Variants in TECRL observed in about 807,000 individuals in gnomAD.
TECRL encodes the protein trans-2,3-enoyl-CoA reductase-like.
A neutral mutation model predicts 52.8 loss-of-function variants in TECRL; 63 were observed. The observed-to-expected ratio is 1.19, with a 90% confidence interval of 0.97 to 1.47. The LOEUF (loss-of-function observed/expected upper bound fraction) is 1.47, where lower values mean the gene tolerates loss of function less well. Among genes scored for constraint, TECRL ranks in the 40% most tolerant of loss-of-function variants. The pLI, the probability that TECRL is intolerant of heterozygous loss-of-function variation, is 0.00. For synonymous variants in TECRL, 164 were observed against 141.9 expected (o/e 1.16, Z -1.10); for missense variants, 482 against 429.6 (o/e 1.12, Z -1.08).
downstream of TECRL, chr4:64,276,990 G>A: frequency 7.1e-7 from 1 of 1,416,506 alleles, no homozygotes; most frequent in African/African-American, 1.4e-5. Flanking sequence ...CATTAATATT[G>A]ACAACAAGAT....
chr4:64,322,855 T>G, intron 3 of TECRL, 63 bp from the exon 4 acceptor site: 1 of 1,219,968 alleles, frequency 8.2e-7, no homozygotes, highest in Non-Finnish European at 1.2e-6. Flanking sequence ...CGATAAAGAA[T>G]TTCTTAGTGT....
At chr4:64,384,870 T>G (rs145276094) in intron 1 of TECRL, among the ~76,000 whole-genome samples, 180 of 152,286 alleles carry the variant, frequency 1.2e-3, no homozygotes, top group African/African-American at 4.1e-3. Context: ...TGGTCCCAGC[T>G]TGGGTGGGCC....
chr4:64,356,338 C>A (rs541158294), intron 2 of TECRL, among the ~76,000 whole-genome samples: 1 of 152,160 alleles, frequency 6.6e-6, no homozygotes, highest in Admixed American at 6.5e-5. Flanking sequence ...AGGAAAGCCT[C>A]TTGCAGTTGA....
At chr4:64,294,450 C>T (rs1414971365) in intron 8 of TECRL, among the ~76,000 whole-genome samples, 4 of 152,064 alleles carry the variant, frequency 2.6e-5, no homozygotes, top group African/African-American at 9.7e-5. Context: ...GGTTATGATG[C>T]GTCTTTGGCA....
At chr4:64,377,795 A>G (rs2109691166) in intron 1 of TECRL, among the ~76,000 whole-genome samples, 1 of 152,244 alleles carries the variant, frequency 6.6e-6, no homozygotes, top group African/African-American at 2.4e-5. Flanking sequence ...TGCATTTACT[A>G]CAGTTTTTCA....
intron 7 of TECRL, among the ~76,000 whole-genome samples, chr4:64,301,561 A>T (rs28532771): frequency 0.03 from 4,500 of 151,368 alleles, 101 homozygotes; most frequent in African/African-American, 0.064. Context: ...GAAAAGTACT[A>T]ATCACATGAT....
chr4:64,290,742 G>T (rs941487672), intron 8 of TECRL, among the ~76,000 whole-genome samples: 1 of 151,988 alleles, frequency 6.6e-6, no homozygotes, highest in Non-Finnish European at 1.5e-5. Flanking sequence ...AAAATAGATT[G>T]AAAGAGAAAA....
At chr4:64,300,630 G>T (rs1284688774) in intron 7 of TECRL, among the ~76,000 whole-genome samples, 1 of 150,828 alleles carries the variant, frequency 6.6e-6, no homozygotes, top group Non-Finnish European at 1.5e-5. Flanking sequence ...AATAAAAATA[G>T]AATTATTTGA....
At chr4:64,288,987 CA>C (rs1723229996) in intron 9 of TECRL, among the ~76,000 whole-genome samples, 1 of 152,130 alleles carries the variant, frequency 6.6e-6, no homozygotes, top group Non-Finnish European at 1.5e-5. Flanking sequence ...AGCATCTGGA[CA>C]ACGTTTTGCA....
intron 6 of TECRL, among the ~76,000 whole-genome samples, chr4:64,308,385 C>T (rs1436933962): frequency 6.6e-6 from 1 of 152,134 alleles, no homozygotes; most frequent in African/African-American, 2.4e-5. Context: ...CAGCTTCCCC[C>T]CTCCACAGGC....
intron 1 of TECRL, among the ~76,000 whole-genome samples, chr4:64,384,263 G>A (rs143967171): frequency 1.3e-5 from 2 of 152,016 alleles, no homozygotes; most frequent in African/African-American, 2.4e-5. Context: ...TAGGCAGGTG[G>A]GTACTCAGGC....
At chr4:64,382,029 A>T (rs986351975) in intron 1 of TECRL, among the ~76,000 whole-genome samples, 6 of 151,608 alleles carry the variant, frequency 4.0e-5, no homozygotes, top group African/African-American at 1.5e-4. Flanking sequence ...CTTATTTACA[A>T]GTTTGATGGA....
intron 2 of TECRL, among the ~76,000 whole-genome samples, chr4:64,366,928 A>G (rs1411621850): frequency 6.6e-6 from 1 of 152,138 alleles, no homozygotes; most frequent in Non-Finnish European, 1.5e-5. Context: ...AAAGAGACAC[A>G]TGTACTCATG....
At chr4:64,329,667 T>C (rs1447777572) in intron 2 of TECRL, among the ~76,000 whole-genome samples, 1 of 151,924 alleles carries the variant, frequency 6.6e-6, no homozygotes, top group African/African-American at 2.4e-5. Context: ...AGCTGAGAGA[T>C]GCTACTTAGA....
intron 1 of TECRL, among the ~76,000 whole-genome samples, chr4:64,385,054 G>A (rs571726926): frequency 1.3e-5 from 2 of 152,272 alleles, no homozygotes; most frequent in South Asian, 4.1e-4. Context: ...TCTGCTGTCA[G>A]GTTTTCCTGA....
chr4:64,352,908 A>G (rs935297763), intron 2 of TECRL, among the ~76,000 whole-genome samples: 1 of 152,184 alleles, frequency 6.6e-6, no homozygotes, highest in Non-Finnish European at 1.5e-5. Context: ...GTTTTTACAG[A>G]TGGAGTCTCA....
intron 2 of TECRL, among the ~76,000 whole-genome samples, chr4:64,372,150 C>A (rs186481179): frequency 6.6e-6 from 1 of 151,586 alleles, no homozygotes; most frequent in South Asian, 2.1e-4. Flanking sequence ...GGTACATTAG[C>A]GTGAAAATTT....
chr4:64,341,118 A>C (rs568268674), intron 2 of TECRL, among the ~76,000 whole-genome samples: 1 of 151,992 alleles, frequency 6.6e-6, no homozygotes, highest in Non-Finnish European at 1.5e-5. Context: ...AGAGCTGAAC[A>C]CTTGTTGGGA....
chr4:64,322,140 A>ATG, intron 4 of TECRL, among the ~76,000 whole-genome samples: 2 of 152,198 alleles, frequency 1.3e-5, no homozygotes, highest in Non-Finnish European at 2.9e-5. Context: ...CTCTCTCAAA[A>ATG]GAGTATCAAA....
Sources: gnomAD v4.1 joint callset for allele counts (sites outside exome capture counted in the v4.1 genomes callset) on GRCh38, gnomAD v4.1.1 for gene constraint, MANE v1.5 for transcripts, NCBI Gene and HGNC (gene_info 2026-07-23, HGNC 2026-07-21) for gene names.